CLCN4: variants seen among roughly 807,000 people sequenced by gnomAD.
The protein encoded by CLCN4 is Cl-/H+ antiporter 4, also known as H(+)/Cl(-) exchange transporter 4.
CLCN4 carries 1 observed loss-of-function variant against 41.7 expected under a neutral mutation model. The observed-to-expected ratio is 0.02, with a 90% CI of 0.01 to 0.11. The LOEUF (loss-of-function observed/expected upper bound fraction) is 0.11, where lower values mean the gene tolerates loss of function less well. Ranked by LOEUF, CLCN4 falls within the 10% of genes least tolerant of loss-of-function variation. The probability of loss-of-function intolerance (pLI) is 1.00; values close to 1 mark genes in which losing one functional copy is unlikely to be tolerated. For missense variants in CLCN4, 287 were observed against 661.0 expected, an observed-to-expected ratio of 0.43 and a Z score of 6.20; for synonymous variants, 277 against 285.8, an observed-to-expected ratio of 0.97 and a Z score of 0.31.
At chrX:10,182,413 C>T (rs963947752) in intron 2 of CLCN4, among the ~76,000 whole-genome samples, 10 of 112,398 alleles carry the variant, frequency 8.9e-5, no homozygotes, top group African/African-American at 2.6e-4. Context: ...AATCTGTGGT[C>T]GGCTGGACCT....
At chrX:10,195,321 A>G (rs928898883) in intron 5 of CLCN4, among the ~76,000 whole-genome samples, 18 of 110,986 alleles carry the variant, frequency 1.6e-4, no homozygotes, top group Non-Finnish European at 2.8e-4. Flanking sequence ...ATGCATATAT[A>G]TATATATATA....
Position 10,223,805 on chromosome X carries a change from A to T in CLCN4, c.2192+2928A>T, listed in dbSNP as rs1288488149. 7.2e-5 allele frequency among the ~76,000 whole-genome samples: 8 copies of T among 111,735 alleles called. No individual in the cohort carries two copies. The East Asian group carries it at 2.3e-3, about 32-fold the overall frequency. The stretch of plus-strand genomic sequence containing the variant: ...AAGTGAGTAAGGGAGATGGTGTCAG[A>T]TTTTCCCCAAGCCCTGCTAGGTGGT... On this transcript the variant is annotated intron_variant, in intron 12 of 12. Coordinates refer to ENST00000380833, the MANE Select transcript of CLCN4 (RefSeq NM_001830.4).
At position 10,233,450 on chromosome X, in the gene CLCN4, C is replaced by T. The variant is rs373670835; in HGVS notation, c.2193-44C>T. The T allele has an allele frequency of 4.4e-5, 43 of 987,091 alleles. No homozygotes were observed. The African/African-American group carries it at 5.1e-4, about 12-fold the overall frequency. 81.3% of individuals were successfully genotyped at this position (987,091 alleles called of 1,213,427 possible). ...GGGTTTAGGGAGAGGGATGAGTCGT[C>T]GTTTCAAGGCTGACCTCTTTTCTCT... On this transcript the variant is annotated intron_variant, in intron 12 of 12. Transcript: ENST00000380833.
chrX:10,164,069 G>A (rs1923181834), intron 2 of CLCN4, among the ~76,000 whole-genome samples: 1 of 112,643 alleles, frequency 8.9e-6, no homozygotes, highest in African/African-American at 3.2e-5. Flanking sequence ...GGAAGTAGCT[G>A]TTGGATAGGC....
At chrX:10,198,669 C>T (rs987341229) in intron 6 of CLCN4, among the ~76,000 whole-genome samples, 6 of 112,073 alleles carry the variant, frequency 5.4e-5, no homozygotes, top group Admixed American at 2.8e-4. Context: ...TTCATGTAAC[C>T]GAAGCATGAG....
rs758102166 is a variant in CLCN4 at position 10,233,490 on chromosome X, C to T, written c.2193-4C>T. On this transcript the variant is annotated splice_region_variant and splice_polypyrimidine_tract_variant and intron_variant, in intron 12 of 12. Coordinates refer to ENST00000380833, the MANE Select transcript of CLCN4 (RefSeq NM_001830.4). ...CTCTTTTCTCTATTTTGTTTCTTCT[C>T]CAGGAGACTTCTTGGCATCATCACA... 14 of 1,199,383 alleles carry T rather than the reference C, an allele frequency of 1.2e-5. No homozygotes were observed. Among genetic ancestry groups the T allele is most frequent in the Non-Finnish European group, 1.6e-5 (14 of 884,581 alleles).
chrX:10,178,366 T>C (rs968782691), intron 2 of CLCN4, among the ~76,000 whole-genome samples: 1 of 111,266 alleles, frequency 9.0e-6, no homozygotes, highest in Admixed American at 9.6e-5. Flanking sequence ...AAGGAAAAGG[T>C]CTCAAGGTGA....
chrX:10,193,961 G>A (rs1602149393), intron 4 of CLCN4, among the ~76,000 whole-genome samples: 1 of 99,491 alleles, frequency 1.0e-5, no homozygotes, highest in African/African-American at 3.6e-5. Flanking sequence ...AACAGGGAGG[G>A]TTTTTTTTTT....
intron 2 of CLCN4, among the ~76,000 whole-genome samples, chrX:10,184,385 C>T (rs1040886768): frequency 5.4e-5 from 6 of 111,227 alleles, no homozygotes; most frequent in Non-Finnish European, 1.1e-4. Flanking sequence ...GTGTGTAGAG[C>T]GACAAAAAGT....
intron 2 of CLCN4, among the ~76,000 whole-genome samples, chrX:10,179,134 A>G (rs1796859454): frequency 8.9e-6 from 1 of 112,722 alleles, no homozygotes; most frequent in South Asian, 3.6e-4. Flanking sequence ...CTGGCAGTGA[A>G]GATAGCGCTG....
chrX:10,209,938 C>T (rs1452647426), intron 9 of CLCN4, among the ~76,000 whole-genome samples: 1 of 109,543 alleles, frequency 9.1e-6, no homozygotes, highest in African/African-American at 3.3e-5. Context: ...CAATTAACAC[C>T]TGTATTTAGC....
chrX:10,175,004 C>T (rs753371236), intron 2 of CLCN4, among the ~76,000 whole-genome samples: 5 of 112,290 alleles, frequency 4.5e-5, no homozygotes, highest in South Asian at 7.4e-4. Context: ...TGGATGCATC[C>T]GGATTCTTTT....
At chrX:10,189,227 G>A (rs1923892424) in intron 4 of CLCN4, among the ~76,000 whole-genome samples, 1 of 112,110 alleles carries the variant, frequency 8.9e-6, no homozygotes, top group South Asian at 3.7e-4. Context: ...TAGGGTAAAT[G>A]AAGAAACTCA....
At chrX:10,163,185 G>C (rs1923151917) in intron 2 of CLCN4, among the ~76,000 whole-genome samples, 1 of 112,436 alleles carries the variant, frequency 8.9e-6, no homozygotes, top group Admixed American at 9.3e-5. Flanking sequence ...CCACCTGTCA[G>C]CCTTGCAGTA....
At chrX:10,199,200 C>T (rs1310370254) in intron 6 of CLCN4, among the ~76,000 whole-genome samples, 1 of 112,338 alleles carries the variant, frequency 8.9e-6, no homozygotes, top group Non-Finnish European at 1.9e-5. Flanking sequence ...ATGCAACATA[C>T]GCATTCCTAA....
chrX:10,216,918 T>TATATATATATATATATACAC (rs773265490), intron 11 of CLCN4, among the ~76,000 whole-genome samples: 3 of 38,931 alleles, frequency 7.7e-5, no homozygotes, highest in Admixed American at 3.6e-4. Context: ...TATATATATA[T>TATATATATATATATATACAC]ACACACACAC....
chrX:10,175,295 G>A (rs763838336), intron 2 of CLCN4, among the ~76,000 whole-genome samples: 22 of 111,493 alleles, frequency 2.0e-4, no homozygotes, highest in African/African-American at 7.2e-4. Context: ...TCTTTCTGAC[G>A]AGGTAGGAGT....
At chrX:10,228,529 T>C (rs781256892) in intron 12 of CLCN4, among the ~76,000 whole-genome samples, 23 of 111,321 alleles carry the variant, frequency 2.1e-4, no homozygotes, top group Non-Finnish European at 4.3e-4. Context: ...TCCTTAAGTA[T>C]CCAGATTCCT....
chrX:10,175,060 G>A (rs73197823), intron 2 of CLCN4, among the ~76,000 whole-genome samples: 3,304 of 112,007 alleles, frequency 0.029, 47 homozygotes, highest in Non-Finnish European at 0.048. Flanking sequence ...TTTGGGAAGT[G>A]CTTGAGTCAA....
Sources: allele counts gnomAD v4.1 joint callset (sites outside exome capture counted in the v4.1 genomes callset), GRCh38; gene constraint gnomAD v4.1.1; transcripts MANE v1.5; gene names NCBI Gene and HGNC (gene_info 2026-07-23, HGNC 2026-07-21).